Variants in MFAP3 observed in about 807,000 individuals in gnomAD.
The protein encoded by MFAP3 is microfibril-associated glycoprotein 3.
In MFAP3, 8 loss-of-function variants were observed where a neutral mutation model predicts 20.5. The observed-to-expected ratio is 0.39, with a 90% CI of 0.23 to 0.70. The LOEUF is 0.70. MFAP3 is among the 30% of genes least tolerant of loss of function. The pLI, the probability that MFAP3 is intolerant of heterozygous loss-of-function variation, is 0.44. For synonymous variants in MFAP3, 140 were observed against 154.0 expected, an observed-to-expected ratio of 0.91 and a Z score of 0.67; for missense variants, 398 against 444.6, an observed-to-expected ratio of 0.90 and a Z score of 0.94.
Position 154,054,846 on chromosome 5 carries a change from C to G in MFAP3, c.*1133C>G, listed in dbSNP as rs559959775. The G allele has an allele frequency of 1.8e-5, 3 of 166,992 alleles. No homozygotes were observed. The highest frequency in any genetic ancestry group is 4.4e-5 in the Non-Finnish European group (3 of 68,106). The allele number at this position is 166,992 out of a possible 1,614,324, so 10.3% of individuals were successfully genotyped here. On this transcript the variant is annotated 3_prime_UTR_variant, in exon 3 of 3. Coordinates refer to ENST00000522782, the MANE Select transcript of MFAP3 (RefSeq NM_005927.5). ...TTTTTATTTTTGTTTACTTCAGATA[C>G]ATAATTCTGAGCTATGGCTGCTTTT...
rs1231677795 is a variant in MFAP3 at position 154,055,348 on chromosome 5, C to A, written c.*1635C>A. Among the ~76,000 whole-genome samples, 4 of 152,294 alleles carry A rather than the reference C, an allele frequency of 2.6e-5. No individual in the cohort carries two copies. The East Asian group carries it at 7.7e-4, about 29-fold the overall frequency. The stretch of plus-strand genomic sequence containing the variant: ...TCCAGGCTTATCAGAAGTAATACAT[C>A]TGCTCTGAATAGCATGAATGAATCA... On this transcript the variant is annotated 3_prime_UTR_variant, in exon 3 of 3. Coordinates refer to ENST00000522782, the MANE Select transcript of MFAP3 (RefSeq NM_005927.5).
chr5:154,049,840 T>G lies in MFAP3; in HGVS notation c.118T>G (p.Tyr40Asp), dbSNP rs1287722688. ...MVSLEANRSSYNASFPSSFEL... is the reference protein window; with the variant it reads ...MVSLEANRSSDNASFPSSFEL... ...TTCACTGGAAGCAAATCGTAGTTCT[T>G]ACAATGCATCCTTTCCCTCAAGCTT... Residue 40 changes from tyrosine (Y) to aspartate (D), a missense_variant, in exon 2 of 3, where the codon TAC becomes GAC. By Grantham distance (160) the Tyr-to-Asp change is radical. Transcript: ENST00000522782. The G allele has an allele frequency of 6.2e-7, 1 of 1,613,598 alleles. No individual in the cohort carries two copies. Among genetic ancestry groups the G allele is most frequent in the African/African-American group, 1.3e-5 (1 of 74,922 alleles).
chr5:154,052,347 G>C (rs1191056904), intron 2 of MFAP3, among the ~76,000 whole-genome samples: 1 of 151,652 alleles, frequency 6.6e-6, no homozygotes, highest in Non-Finnish European at 1.5e-5. Flanking sequence ...AGGCATACCA[G>C]ATTAGGCAGT....
chr5:154,043,478 G>A (rs563019546), intron 1 of MFAP3, among the ~76,000 whole-genome samples: 6 of 150,522 alleles, frequency 4.0e-5, no homozygotes, highest in Non-Finnish European at 8.9e-5. Flanking sequence ...TTGAACCTGG[G>A]GGGTGGAGGT....
At chr5:154,048,708 C>G (rs1190202533) in intron 1 of MFAP3, among the ~76,000 whole-genome samples, 1 of 152,076 alleles carries the variant, frequency 6.6e-6, no homozygotes, top group East Asian at 1.9e-4. Flanking sequence ...ATATTTTGCT[C>G]TTCTTTTAAA....
At chr5:154,044,866 G>A (rs905483529) in intron 1 of MFAP3, among the ~76,000 whole-genome samples, 11 of 151,736 alleles carry the variant, frequency 7.2e-5, no homozygotes, top group African/African-American at 2.4e-4. Context: ...CATTTATTAC[G>A]TGTTTGCACA....
At chr5:154,042,005 G>T (rs938453796) in intron 1 of MFAP3, among the ~76,000 whole-genome samples, 2 of 152,116 alleles carry the variant, frequency 1.3e-5, no homozygotes, top group African/African-American at 2.4e-5. Context: ...TTCACCCAGG[G>T]GTAGGATCAG....
rs1203570464 is a variant in MFAP3 at position 154,055,768 on chromosome 5, G to C, written c.*2055G>C. Among the ~76,000 whole-genome samples the C allele has an allele frequency of 6.6e-6, 1 of 152,052 alleles. No individual in the cohort carries two copies. The highest frequency in any genetic ancestry group is 1.5e-5 in the Non-Finnish European group (1 of 68,004). On this transcript the variant is annotated 3_prime_UTR_variant, in exon 3 of 3. Coordinates refer to ENST00000522782, the MANE Select transcript of MFAP3 (RefSeq NM_005927.5). ...CTACAGGTGTGCACCACCTTTCCTG[G>C]CTAATTTTTTTTTATTTTTTGTAGA...
In MFAP3 at chr5:154,053,739, A is replaced by T. The variant is rs1193897401; in HGVS notation, c.*26A>T. On this transcript the variant is annotated 3_prime_UTR_variant, in exon 3 of 3. Transcript: ENST00000522782. ...CCTACAATGCTGTAACCCAGTACCT[A>T]CAAAATCAGCTCGCTCTCAGAAAAG... is the stretch of plus-strand genomic sequence containing the variant. 1 of 1,550,288 alleles carries T rather than the reference A, an allele frequency of 6.5e-7. No homozygotes were observed. The highest frequency in any genetic ancestry group is 1.4e-5 in the African/African-American group (1 of 72,620).
chr5:154,040,352 A>T (rs940510776), intron 1 of MFAP3, among the ~76,000 whole-genome samples: 6 of 152,250 alleles, frequency 3.9e-5, no homozygotes, highest in African/African-American at 1.2e-4. Context: ...TGAGAATGGC[A>T]TTGTTTTACA....
chr5:154,044,541 G>T (rs1384400898), intron 1 of MFAP3, among the ~76,000 whole-genome samples: 3 of 152,212 alleles, frequency 2.0e-5, no homozygotes, highest in South Asian at 2.1e-4. Flanking sequence ...AACTGGATGT[G>T]TAAGGCTATT....
At position 154,055,831 on chromosome 5, in the gene MFAP3, A is replaced by G. The variant is rs903257980; in HGVS notation, c.*2118A>G. Among the ~76,000 whole-genome samples the G allele has an allele frequency of 9.9e-5, 15 of 151,938 alleles. No individual in the cohort carries two copies. The highest frequency in any genetic ancestry group is 3.4e-4 in the African/African-American group (14 of 41,352). On this transcript the variant is annotated 3_prime_UTR_variant, in exon 3 of 3. Coordinates refer to ENST00000522782, the MANE Select transcript of MFAP3 (RefSeq NM_005927.5). Reference sequence around the variant, plus strand: ...ACTTTGTTGCCCAGGCTGACCTTGTACTTGTGGCTTCAAATGATCCTCCTG... The same window carrying G: ...ACTTTGTTGCCCAGGCTGACCTTGTGCTTGTGGCTTCAAATGATCCTCCTG...
In MFAP3 at chr5:154,054,901, A is replaced by G. The variant is rs977735285; in HGVS notation, c.*1188A>G. On this transcript the variant is annotated 3_prime_UTR_variant, in exon 3 of 3. Coordinates refer to ENST00000522782, the MANE Select transcript of MFAP3 (RefSeq NM_005927.5). ...CCTTTCCAAGAAGCACTAACCTGAA[A>G]TAAGATTAGATAATTGTGAGGGTGT... 1 of 167,112 alleles carries G rather than the reference A, an allele frequency of 6.0e-6. No homozygotes were observed. The highest frequency in any genetic ancestry group is 2.4e-5 in the African/African-American group (1 of 41,450). The allele number at this position is 167,112 out of a possible 1,614,324, so 10.4% of individuals were successfully genotyped here.
At chr5:154,042,595 C>T (rs1772979443) in intron 1 of MFAP3, among the ~76,000 whole-genome samples, 1 of 152,170 alleles carries the variant, frequency 6.6e-6, no homozygotes, top group Non-Finnish European at 1.5e-5. Flanking sequence ...GGCAGAACAA[C>T]TTTGTGTTTA....
intron 2 of MFAP3, among the ~76,000 whole-genome samples, chr5:154,052,317 A>G (rs1280318174): frequency 2.0e-5 from 3 of 151,940 alleles, no homozygotes; most frequent in Non-Finnish European, 4.4e-5. Flanking sequence ...AACAACAACA[A>G]CAAAAAATTG....
chr5:154,056,211 G>A lies in MFAP3; in HGVS notation c.*2498G>A, dbSNP rs775343442. 1.7e-4 allele frequency among the ~76,000 whole-genome samples: 26 copies of A among 152,176 alleles called. No individual in the cohort carries two copies. Among genetic ancestry groups the A allele is most frequent in the East Asian group, 3.8e-4 (2 of 5,206 alleles). Reference sequence around the variant, plus strand: ...ATAGTAACTAAATGCATGCTACTCCGTTGTATCCTAGTTATTTTAGAAACA... The same window carrying A: ...ATAGTAACTAAATGCATGCTACTCCATTGTATCCTAGTTATTTTAGAAACA... On this transcript the variant is annotated 3_prime_UTR_variant, in exon 3 of 3. Coordinates refer to ENST00000522782, the MANE Select transcript of MFAP3 (RefSeq NM_005927.5).
At position 154,050,376 on chromosome 5, in the gene MFAP3, T is replaced by C. The variant is rs910024158; in HGVS notation, c.295+359T>C. Among the ~76,000 whole-genome samples, 61 of 152,274 alleles carry C rather than the reference T, an allele frequency of 4.0e-4. 1 individual carries two copies. Among genetic ancestry groups the C allele is most frequent in the African/African-American group, 1.4e-3 (60 of 41,568 alleles). ...CTCTGGGAGCACCCTTCACCTAGAC[T>C]ACTATGTCAGTAGTACAGTGTGGTG... On this transcript the variant is annotated intron_variant, in intron 2 of 2. Coordinates refer to ENST00000522782, the MANE Select transcript of MFAP3 (RefSeq NM_005927.5).
At chr5:154,050,373 G>C (rs1773160762) in intron 2 of MFAP3, among the ~76,000 whole-genome samples, 1 of 152,098 alleles carries the variant, frequency 6.6e-6, no homozygotes, top group African/African-American at 2.4e-5. Flanking sequence ...CCTTCACCTA[G>C]ACTACTATGT....
rs1393738625 is a variant in MFAP3 at position 154,052,979 on chromosome 5, C to T, written c.355C>T (p.Arg119Cys). Residue 119 changes from arginine to cysteine, a missense_variant, in exon 3 of 3, where the codon CGT (arginine) becomes TGT (cysteine). By Grantham distance (180) the Arg-to-Cys change is radical. Coordinates refer to ENST00000522782, the MANE Select transcript of MFAP3 (RefSeq NM_005927.5). ...LNITNVAFDD[R>C]GLYTCFVTSP... is the part of the protein sequence containing the mutation. ...CATCACCAATGTAGCTTTTGATGAC[C>T]GTGGGCTCTATACCTGTTTCGTCAC... 6.8e-6 allele frequency: 11 copies of T among 1,613,514 alleles called. No homozygotes were observed. The highest frequency in any genetic ancestry group is 1.3e-5 in the African/African-American group (1 of 74,804).
Sources: gnomAD v4.1 joint callset for allele counts (sites outside exome capture counted in the v4.1 genomes callset) on GRCh38, gnomAD v4.1.1 for gene constraint, MANE v1.5 for transcripts, NCBI Gene and HGNC (gene_info 2026-07-23, HGNC 2026-07-21) for gene names.